TBC1D23: variants seen among roughly 807,000 people sequenced by gnomAD.
TBC1D23 encodes HCV non-structural protein 4A-transactivated protein 1.
A neutral mutation model predicts 91.4 loss-of-function variants in TBC1D23; 55 were observed. The ratio of observed to expected loss-of-function variants is 0.60; its 90% CI spans 0.48 to 0.75. TBC1D23 has a LOEUF of 0.75. Among genes scored for constraint, TBC1D23 ranks in the 30% least tolerant of loss-of-function variants. The pLI, the probability that TBC1D23 is intolerant of heterozygous loss-of-function variation, is 0.00. For synonymous variants in TBC1D23, 289 were observed against 281.0 expected, an observed-to-expected ratio of 1.03 and a Z score of -0.28; for missense variants, 725 against 836.1, an observed-to-expected ratio of 0.87 and a Z score of 1.64.
chr3:100,276,109 G>A (rs1484889835), intron 1 of TBC1D23, among the ~76,000 whole-genome samples: 7 of 150,560 alleles, frequency 4.6e-5, no homozygotes, highest in Non-Finnish European at 8.9e-5. Flanking sequence ...AAAAGGAGAT[G>A]AACTAAGTCT....
Position 100,261,035 on chromosome 3 carries a change from A to C in TBC1D23, c.17A>C (p.Asp6Ala), listed in dbSNP as rs2067504960. 1.9e-6 allele frequency: 3 copies of C among 1,613,938 alleles called. No homozygotes were observed. Among genetic ancestry groups the C allele is most frequent in the African/African-American group, 2.7e-5 (2 of 74,952 alleles). MAEGE[D>A]VPPLPTSSGD... ...TCAACAGCAATGGCGGAAGGAGAAG[A>C]TGTGCCGCCGCTGCCAACGTCGAGC... Residue 6 changes from aspartate (D) to alanine (A), a missense_variant, in exon 1 of 19, where the codon GAT becomes GCT. Physicochemically the swap from Asp to Ala is moderately radical, Grantham distance 126. Coordinates refer to ENST00000394144, the MANE Select transcript of TBC1D23 (RefSeq NM_001199198.3).
At chr3:100,302,481 A>C (rs140098913) in intron 11 of TBC1D23, among the ~76,000 whole-genome samples, 1 of 152,346 alleles carries the variant, frequency 6.6e-6, no homozygotes, top group East Asian at 1.9e-4. Flanking sequence ...CAGATAGCTT[A>C]CAAATTGTAC....
chr3:100,265,506 A>G (rs951099007), intron 1 of TBC1D23, among the ~76,000 whole-genome samples: 1 of 152,224 alleles, frequency 6.6e-6, no homozygotes, highest in Admixed American at 6.5e-5. Context: ...GTAAAATTAA[A>G]CATGTTAAAT....
At chr3:100,307,981 T>G (rs972188950) in intron 13 of TBC1D23, among the ~76,000 whole-genome samples, 1 of 152,222 alleles carries the variant, frequency 6.6e-6, no homozygotes, top group Non-Finnish European at 1.5e-5. Context: ...TAATTTATAT[T>G]CCCATTCACA....
chr3:100,280,615 A>T (rs1430130659), intron 2 of TBC1D23, among the ~76,000 whole-genome samples: 2 of 152,240 alleles, frequency 1.3e-5, no homozygotes, highest in Admixed American at 1.3e-4. Flanking sequence ...CCCTATGCAC[A>T]TATGTAACAG....
chr3:100,289,084 G>A (rs983958832), intron 4 of TBC1D23, among the ~76,000 whole-genome samples: 1 of 151,968 alleles, frequency 6.6e-6, no homozygotes, highest in South Asian at 2.1e-4. Flanking sequence ...CATGGTGGAT[G>A]TACCTGTAGT....
chr3:100,323,635 G>T lies in TBC1D23; in HGVS notation c.2067G>T (p.Gln689His). ...AGDATKAIKQ[Q>H]IMKVLDALES Reference sequence around the variant, plus strand: ...ATGCAACTAAAGCCATAAAACAGCAGATCATGAAAGTTTTGGATGCTTTGG... The same window carrying T: ...ATGCAACTAAAGCCATAAAACAGCATATCATGAAAGTTTTGGATGCTTTGG... The change falls in exon 19 of 19, where the codon CAG (glutamine) becomes CAT (histidine). Residue 689 changes from glutamine to histidine, a missense_variant. By Grantham distance (24) the Gln-to-His change is conservative. Coordinates refer to ENST00000394144, the MANE Select transcript of TBC1D23 (RefSeq NM_001199198.3). The T allele has an allele frequency of 6.5e-7, 1 of 1,536,778 alleles. No homozygotes were observed. The highest frequency in any genetic ancestry group is 1.3e-5 in the South Asian group (1 of 75,772).
chr3:100,269,280 CA>C (rs2067582574), intron 1 of TBC1D23, among the ~76,000 whole-genome samples: 2 of 152,190 alleles, frequency 1.3e-5, no homozygotes, highest in Non-Finnish European at 2.9e-5. Flanking sequence ...TTACATTATT[CA>C]TAAGGGAATC....
intron 16 of TBC1D23, among the ~76,000 whole-genome samples, chr3:100,317,147 A>C (rs1392849742): frequency 6.6e-6 from 1 of 152,176 alleles, no homozygotes. Flanking sequence ...CTAATTAAGC[A>C]ATCATAACTA....
At chr3:100,266,627 A>C (rs1172647030) in intron 1 of TBC1D23, among the ~76,000 whole-genome samples, 1 of 152,224 alleles carries the variant, frequency 6.6e-6, no homozygotes, top group Non-Finnish European at 1.5e-5. Context: ...TGGATGTTTT[A>C]ATATCCATAA....
Position 100,279,634 on chromosome 3 carries a change from G to A in TBC1D23, c.54-15G>A. On this transcript the variant is annotated splice_polypyrimidine_tract_variant and intron_variant, in intron 1 of 18. Coordinates refer to ENST00000394144, the MANE Select transcript of TBC1D23 (RefSeq NM_001199198.3). ...GAGATAAAGTTCATTTTAATAAATA[G>A]GACTTATTTTTTAGGGAAAAAGATC... 1.3e-6 allele frequency: 2 copies of A among 1,481,922 alleles called. No homozygotes were observed. The highest frequency in any genetic ancestry group is 1.8e-5 in the Admixed American group (1 of 56,184). 91.8% of individuals were successfully genotyped at this position (1,481,922 alleles called of 1,614,324 possible).
chr3:100,312,823 G>A (rs1705649635), intron 15 of TBC1D23, among the ~76,000 whole-genome samples: 3 of 152,002 alleles, frequency 2.0e-5, no homozygotes, highest in African/African-American at 7.2e-5. Flanking sequence ...TCAGTGACTT[G>A]AAGTAGCATT....
chr3:100,311,280 T>C (rs1299611534), intron 14 of TBC1D23, among the ~76,000 whole-genome samples: 1 of 152,234 alleles, frequency 6.6e-6, no homozygotes, highest in African/African-American at 2.4e-5. Flanking sequence ...TGACATATTT[T>C]ACTTTAAGAA....
chr3:100,316,998 G>A (rs1016291322), intron 16 of TBC1D23, among the ~76,000 whole-genome samples: 25 of 151,202 alleles, frequency 1.7e-4, no homozygotes, highest in Non-Finnish European at 3.2e-4. Context: ...CAAGAGAATC[G>A]CTTTAACCCA....
chr3:100,262,723 C>CAAAAAAAAAAAAAA (rs1174689237), intron 1 of TBC1D23, among the ~76,000 whole-genome samples: 2 of 51,424 alleles, frequency 3.9e-5, no homozygotes, highest in Non-Finnish European at 6.9e-5. Flanking sequence ...GGCTCGGTCT[C>CAAAAAAAAAAAAAA]AAAAAAAAAA....
At chr3:100,279,377 G>A in intron 1 of TBC1D23, 1 of 272,394 alleles carries the variant, frequency 3.7e-6, no homozygotes. Context: ...TGACTTCACA[G>A]TGCTGTCAGC....
chr3:100,300,021 C>T (rs1705395253), intron 10 of TBC1D23, among the ~76,000 whole-genome samples: 1 of 152,018 alleles, frequency 6.6e-6, no homozygotes, highest in Non-Finnish European at 1.5e-5. Context: ...TAGTATGAGC[C>T]ATTTTTAATC....
chr3:100,309,040 G>T (rs888323816), intron 13 of TBC1D23, among the ~76,000 whole-genome samples: 1 of 152,158 alleles, frequency 6.6e-6, no homozygotes, highest in Non-Finnish European at 1.5e-5. Flanking sequence ...AGGTGTGGTG[G>T]TAGGTGCCTA....
chr3:100,290,472 T>G, intron 4 of TBC1D23, 106 bp from the exon 5 acceptor site: 1 of 967,324 alleles, frequency 1.0e-6, no homozygotes, highest in South Asian at 1.6e-5. Flanking sequence ...TACTGTCAGG[T>G]AGGCTTCCAG....
Sources: allele counts gnomAD v4.1 joint callset (sites outside exome capture counted in the v4.1 genomes callset), GRCh38; gene constraint gnomAD v4.1.1; transcripts MANE v1.5; gene names NCBI Gene and HGNC (gene_info 2026-07-23, HGNC 2026-07-21).